GRID2: variants seen among roughly 807,000 people sequenced by gnomAD.
GRID2 encodes the protein glutamate ionotropic receptor delta type subunit 2, also known as glutamate receptor ionotropic, delta-2.
Under a neutral mutation model 114.8 loss-of-function variants are expected in GRID2, and 33 were observed. That is an observed-to-expected ratio of 0.29 (90% confidence interval 0.22 to 0.38). The LOEUF (loss-of-function observed/expected upper bound fraction) is 0.38, where lower values mean the gene tolerates loss of function less well. Ranked by LOEUF, GRID2 falls within the 10% of genes least tolerant of loss-of-function variation. The probability of loss-of-function intolerance (pLI) is 1.00; values close to 1 mark genes in which losing one functional copy is unlikely to be tolerated. For synonymous variants in GRID2, 505 were observed against 449.9 expected, an observed-to-expected ratio of 1.12 and a Z score of -1.55; for missense variants, 1,184 against 1,257.7, an observed-to-expected ratio of 0.94 and a Z score of 0.89.
rs145856749 is a variant in GRID2 at position 92,845,652 on chromosome 4, A to G, written c.245-239343A>G. Among the ~76,000 whole-genome samples, 948 of 152,166 alleles carry G rather than the reference A, an allele frequency of 6.2e-3. 16 individuals carry two copies. Among genetic ancestry groups the G allele is most frequent in the African/African-American group, 0.022 (900 of 41,522 alleles). ...TACGAGTCCAATGGATATCAGGTGC[A>G]CACCTGGCAGCAACCACACAATTGA... On this transcript the variant is annotated intron_variant, in intron 2 of 15. Transcript: ENST00000282020.
At chr4:92,861,047 T>C (rs908386074) in intron 2 of GRID2, among the ~76,000 whole-genome samples, 2 of 152,196 alleles carry the variant, frequency 1.3e-5, no homozygotes, top group East Asian at 3.9e-4. Context: ...AATCAATCCT[T>C]CCTTACTTAT....
intron 1 of GRID2, among the ~76,000 whole-genome samples, chr4:92,399,661 CTCTCTATATA>C (rs1489001203): frequency 6.4e-5 from 9 of 139,610 alleles, no homozygotes; most frequent in African/African-American, 2.2e-4. Flanking sequence ...CTCTCTCTCT[CTCTCTATATA>C]TATATATATA....
intron 9 of GRID2, among the ~76,000 whole-genome samples, chr4:93,400,325 A>G (rs1765752776): frequency 6.6e-6 from 1 of 152,154 alleles, no homozygotes; most frequent in Non-Finnish European, 1.5e-5. Context: ...AAATGGAGGA[A>G]AAGAAAGAAT....
chr4:92,537,820 TGTG>T (rs1195410376), intron 1 of GRID2, among the ~76,000 whole-genome samples: 1 of 150,068 alleles, frequency 6.7e-6, no homozygotes, highest in Non-Finnish European at 1.5e-5. Flanking sequence ...TGTGTGTGTG[TGTG>T]TGTGTGTCTA....
At chr4:93,737,089 G>C (rs922772760) in intron 14 of GRID2, among the ~76,000 whole-genome samples, 1 of 151,984 alleles carries the variant, frequency 6.6e-6, no homozygotes, top group African/African-American at 2.4e-5. Context: ...GTTGTAAAAT[G>C]GAACTAATAA....
chr4:93,702,028 G>A (rs1727555872), intron 14 of GRID2, among the ~76,000 whole-genome samples: 2 of 151,982 alleles, frequency 1.3e-5, no homozygotes, highest in Admixed American at 1.3e-4. Context: ...CTTTATTACA[G>A]TATTTCCAGA....
chr4:92,726,590 C>A (rs1180151880), intron 2 of GRID2, among the ~76,000 whole-genome samples: 1 of 151,930 alleles, frequency 6.6e-6, no homozygotes, highest in Non-Finnish European at 1.5e-5. Context: ...TAAAATATTT[C>A]TTATTTTGAA....
intron 3 of GRID2, among the ~76,000 whole-genome samples, chr4:93,097,920 C>T (rs772058430): frequency 2.0e-5 from 3 of 151,742 alleles, no homozygotes; most frequent in Admixed American, 6.6e-5. Context: ...AAAATGATAC[C>T]TCTCTAAACT....
intron 2 of GRID2, among the ~76,000 whole-genome samples, chr4:92,919,631 G>A (rs1379976131): frequency 6.6e-6 from 1 of 152,114 alleles, no homozygotes; most frequent in Non-Finnish European, 1.5e-5. Flanking sequence ...TTCAGGAGCA[G>A]GTTGTTCAAT....
intron 14 of GRID2, among the ~76,000 whole-genome samples, chr4:93,743,960 A>G (rs1057097278): frequency 6.6e-6 from 1 of 152,184 alleles, no homozygotes; most frequent in Non-Finnish European, 1.5e-5. Flanking sequence ...TTCAATGCTC[A>G]TTTACCATTC....
rs115572148 is a variant in GRID2 at position 92,779,403 on chromosome 4, C to T, written c.244+189117C>T. Among the ~76,000 whole-genome samples, 1,249 of 152,098 alleles carry T rather than the reference C, an allele frequency of 8.2e-3. 23 individuals are homozygous for T. Among genetic ancestry groups the T allele is most frequent in the African/African-American group, 0.028 (1,182 of 41,478 alleles). On this transcript the variant is annotated intron_variant, in intron 2 of 15. Coordinates refer to ENST00000282020, the MANE Select transcript of GRID2 (RefSeq NM_001510.4). ...TGAAAATTGATGAATCTTAGATTTT[C>T]TCATTACTTTCTTTCTAAACTAGGA...
intron 2 of GRID2, among the ~76,000 whole-genome samples, chr4:92,930,513 A>G (rs1404529385): frequency 2.7e-5 from 4 of 150,614 alleles, no homozygotes; most frequent in Non-Finnish European, 1.5e-5. Context: ...AAACTGCACT[A>G]TGAAGACAGG....
At chr4:92,882,619 A>T (rs1051699111) in intron 2 of GRID2, among the ~76,000 whole-genome samples, 1 of 152,154 alleles carries the variant, frequency 6.6e-6, no homozygotes, top group Non-Finnish European at 1.5e-5. Flanking sequence ...CCTTCATCAC[A>T]TTAATATACA....
At chr4:93,193,774 A>G (rs976979316) in intron 4 of GRID2, among the ~76,000 whole-genome samples, 2 of 152,224 alleles carry the variant, frequency 1.3e-5, no homozygotes, top group East Asian at 1.9e-4. Context: ...TATGATACAT[A>G]TAAGAGATTT....
At chr4:92,444,437 G>C (rs796200621) in intron 1 of GRID2, among the ~76,000 whole-genome samples, 2 of 152,090 alleles carry the variant, frequency 1.3e-5, no homozygotes, top group Admixed American at 1.3e-4. Context: ...TGCTTTTGGC[G>C]CCAGGATGAG....
At chr4:93,326,625 C>T (rs1050428924) in intron 8 of GRID2, among the ~76,000 whole-genome samples, 1 of 149,862 alleles carries the variant, frequency 6.7e-6, no homozygotes. Flanking sequence ...TATGTGAAGG[C>T]AAGATAGGGA....
intron 2 of GRID2, among the ~76,000 whole-genome samples, chr4:93,050,157 G>A (rs1726549459): frequency 1.3e-5 from 2 of 152,024 alleles, no homozygotes; most frequent in African/African-American, 4.8e-5. Context: ...CATGGTCTTA[G>A]TAGCTAACAA....
At chr4:93,320,827 A>G (rs1425948452) in intron 8 of GRID2, among the ~76,000 whole-genome samples, 1 of 152,096 alleles carries the variant, frequency 6.6e-6, no homozygotes, top group Non-Finnish European at 1.5e-5. Flanking sequence ...ATAGTTTTTA[A>G]TCTCATGCAA....
intron 2 of GRID2, among the ~76,000 whole-genome samples, chr4:92,740,649 G>T (rs1046474638): frequency 1.2e-4 from 18 of 151,754 alleles, no homozygotes; most frequent in African/African-American, 4.4e-4. Flanking sequence ...CACTCATAAT[G>T]GTAGCACATC....
Sources: allele counts gnomAD v4.1 joint callset (sites outside exome capture counted in the v4.1 genomes callset), GRCh38; gene constraint gnomAD v4.1.1; transcripts MANE v1.5; gene names NCBI Gene and HGNC (gene_info 2026-07-23, HGNC 2026-07-21).